The following PLCG2 variants were observed in gnomAD, a reference collection of about 807,000 sequenced individuals.
The protein encoded by PLCG2 is phospholipase C gamma 2.
PLCG2 carries 69 observed loss-of-function variants against 175.6 expected under a neutral mutation model. The ratio of observed to expected loss-of-function variants is 0.39; its 90% CI spans 0.32 to 0.48. PLCG2 has a LOEUF of 0.48. Ranked by LOEUF, PLCG2 falls within the 20% of genes least tolerant of loss-of-function variation. The pLI is 0.91. For synonymous variants in PLCG2, 827 were observed against 624.0 expected (o/e 1.33, Z -4.85); for missense variants, 1,798 against 1,650.9 (o/e 1.09, Z -1.54).
chr16:81,851,573 C>T (rs940087296), intron 2 of PLCG2, among the ~76,000 whole-genome samples: 20 of 152,048 alleles, frequency 1.3e-4, no homozygotes, highest in African/African-American at 2.2e-4. Flanking sequence ...AGTGCAGTGG[C>T]GTGGTCTCGG....
intron 13 of PLCG2, among the ~76,000 whole-genome samples, chr16:81,897,548 C>CTTTTTTTTTTTTTTTT (rs10710027): frequency 7.8e-6 from 1 of 128,678 alleles, no homozygotes; most frequent in South Asian, 2.4e-4. Context: ...CTTTTCTTTT[C>CTTTTTTTTTTTTTTTT]TTTTTTTTTT....
At chr16:81,901,643 C>T (rs1241501622) in intron 14 of PLCG2, among the ~76,000 whole-genome samples, 2 of 152,222 alleles carry the variant, frequency 1.3e-5, no homozygotes, top group African/African-American at 2.4e-5. Context: ...TACTTCCTTC[C>T]ATTGTGAACA....
rs10549962 is a variant in PLCG2 at position 81,838,778 on chromosome 16, A to AATATATATATATATAT, written c.194-15651_194-15636dup. The stretch of plus-strand genomic sequence containing the variant: ...TATCCCAGAACTTAAAGTAAAATTA[A>AATATATATATATATAT]ATATATATATATATATATATATATA... On this transcript the variant is annotated intron_variant, in intron 2 of 32. Coordinates refer to ENST00000564138, the MANE Select transcript of PLCG2 (RefSeq NM_002661.5). Among the ~76,000 whole-genome samples the AATATATATATATATAT allele has an allele frequency of 2.6e-4, 37 of 141,684 alleles. 1 individual carries two copies. Among genetic ancestry groups the AATATATATATATATAT allele is most frequent in the African/African-American group, 8.9e-4 (34 of 38,350 alleles). 93.0% of individuals were successfully genotyped at this position (141,684 alleles called of 152,430 possible).
rs1275352187 is a variant in PLCG2 at position 81,931,418 on chromosome 16, C to G, written c.2582-79C>G. ...AGTGGTGGTTGGTCCATGAGAGAAA[C>G]AGCTCAGGCAGGGTGCAGTCTGGTC... On this transcript the variant is annotated intron_variant, in intron 24 of 32. Transcript: ENST00000564138. The G allele has an allele frequency of 4.2e-6, 6 of 1,419,710 alleles. No individual in the cohort carries two copies. The African/African-American group carries it at 8.5e-5, about 20-fold the overall frequency. The allele number at this position is 1,419,710 out of a possible 1,614,324, so 87.9% of individuals were successfully genotyped here.
chr16:81,787,670 A>T (rs1911042374), intron 2 of PLCG2, among the ~76,000 whole-genome samples: 1 of 152,030 alleles, frequency 6.6e-6, no homozygotes. Context: ...CACTCCAATC[A>T]AAAGTAGAAC....
chr16:81,889,134 T>G, intron 9 of PLCG2, 38 bp from the exon 10 acceptor site: 2 of 1,242,088 alleles, frequency 1.6e-6, no homozygotes, highest in Non-Finnish European at 2.3e-6. Context: ...TTATCAGTTC[T>G]CACTTTGCTG....
chr16:81,743,856 T>C (rs1374517841), intron 1 of PLCG2, among the ~76,000 whole-genome samples: 1 of 138,786 alleles, frequency 7.2e-6, no homozygotes, highest in Non-Finnish European at 1.6e-5. Context: ...CCTCCTTTTT[T>C]TTCTTTTTCT....
intron 1 of PLCG2, among the ~76,000 whole-genome samples, chr16:81,753,469 A>G (rs963661964): frequency 1.8e-4 from 27 of 146,002 alleles, no homozygotes; most frequent in African/African-American, 6.6e-4. Context: ...CCCAAGCTGG[A>G]GTGCAGTAGT....
intron 28 of PLCG2, among the ~76,000 whole-genome samples, chr16:81,938,221 A>G (rs1003686035): frequency 1.3e-5 from 2 of 152,152 alleles, no homozygotes; most frequent in African/African-American, 2.4e-5. Context: ...CATGGGAAAC[A>G]GCCATTTGGT....
intron 13 of PLCG2, among the ~76,000 whole-genome samples, chr16:81,899,751 T>C (rs1909063286): frequency 6.6e-6 from 1 of 152,198 alleles, no homozygotes; most frequent in South Asian, 2.1e-4. Context: ...AAAACACCTG[T>C]GTCAGATACG....
intron 9 of PLCG2, among the ~76,000 whole-genome samples, chr16:81,886,929 G>A (rs941208660): frequency 6.6e-6 from 1 of 152,110 alleles, no homozygotes; most frequent in African/African-American, 2.4e-5. Flanking sequence ...CCAAGTGGAT[G>A]CATTTTATAA....
chr16:81,742,291 C>A (rs936686953), intron 1 of PLCG2, among the ~76,000 whole-genome samples: 1 of 152,094 alleles, frequency 6.6e-6, no homozygotes, highest in African/African-American at 2.4e-5. Flanking sequence ...ATGCATTCAA[C>A]CTGCTAGGTG....
At chr16:81,814,607 A>G (rs1310291675) in intron 2 of PLCG2, among the ~76,000 whole-genome samples, 1 of 152,130 alleles carries the variant, frequency 6.6e-6, no homozygotes, top group Non-Finnish European at 1.5e-5. Flanking sequence ...AGGCAGGAGA[A>G]TCACTTGAAC....
Position 81,936,169 on chromosome 16 carries a change from A to C in PLCG2, c.2843A>C (p.Glu948Ala), listed in dbSNP as rs769969629. The C allele has an allele frequency of 6.2e-7, 1 of 1,613,852 alleles. No individual in the cohort carries two copies. The highest frequency in any genetic ancestry group is 1.7e-5 in the Admixed American group (1 of 60,010). ...KPTSKTKDNLENPDFREIRSF... is the reference protein window; with the variant it reads ...KPTSKTKDNLANPDFREIRSF... ...TGATGACCTTTTTCTCTGTGTGCAG[A>C]AAATCCTGACTTCCGAGAAATCCGC... The change falls in exon 27 of 33, where the codon GAA becomes GCA. Residue 948 changes from glutamate to alanine, a missense_variant and splice_region_variant. Glu to Ala is a moderately radical substitution (Grantham distance 107). Transcript: ENST00000564138.
intron 1 of PLCG2, among the ~76,000 whole-genome samples, chr16:81,780,974 C>A (rs987005827): frequency 6.6e-6 from 1 of 152,152 alleles, no homozygotes; most frequent in Admixed American, 6.6e-5. Context: ...TTGCAGTGAA[C>A]CCAGATCATG....
At chr16:81,805,898 C>A (rs1023021673) in intron 2 of PLCG2, among the ~76,000 whole-genome samples, 1 of 149,992 alleles carries the variant, frequency 6.7e-6, no homozygotes, top group Non-Finnish European at 1.5e-5. Context: ...GCTCAGCCTC[C>A]TGAGTAGCTG....
rs189273749 is a variant in PLCG2, at chr16:81,928,829, G to T, written c.2581+205G>T. On this transcript the variant is annotated intron_variant, in intron 24 of 32. Coordinates refer to ENST00000564138, the MANE Select transcript of PLCG2 (RefSeq NM_002661.5). ...ATTAATCTCTACTAAAACTGTAAGT[G>T]CTAAAACAAGGTCTCGTACATAAGT... The T allele has an allele frequency of 8.1e-6, 4 of 492,826 alleles. No individual in the cohort carries two copies. The Admixed American group carries it at 1.2e-4, about 15-fold the overall frequency. The allele number at this position is 492,826 out of a possible 1,614,324, so 30.5% of individuals were successfully genotyped here.
At chr16:81,802,145 C>G (rs1192557359) in intron 2 of PLCG2, among the ~76,000 whole-genome samples, 2 of 93,754 alleles carry the variant, frequency 2.1e-5, no homozygotes, top group African/African-American at 3.9e-5. Context: ...ACGGATCTCG[C>G]TCTTTCGCCC....
intron 2 of PLCG2, among the ~76,000 whole-genome samples, chr16:81,852,789 C>T (rs996333709): frequency 6.6e-6 from 1 of 152,172 alleles, no homozygotes; most frequent in African/African-American, 2.4e-5. Flanking sequence ...GTCTGTGTTC[C>T]ACATGTTGTC....
Sources: allele counts gnomAD v4.1 joint callset (sites outside exome capture counted in the v4.1 genomes callset), GRCh38; gene constraint gnomAD v4.1.1; transcripts MANE v1.5; gene names NCBI Gene and HGNC (gene_info 2026-07-23, HGNC 2026-07-21).